Variants in CEBPZ observed in about 807,000 individuals in gnomAD.
CEBPZ encodes CCAAT/enhancer-binding protein zeta.
CEBPZ carries 78 observed loss-of-function variants against 104.5 expected under a neutral mutation model. The observed-to-expected ratio is 0.75, with a 90% CI of 0.62 to 0.90. The LOEUF (loss-of-function observed/expected upper bound fraction) is 0.90, where lower values mean the gene tolerates loss of function less well. Ranked by LOEUF, CEBPZ falls within the 40% of genes least tolerant of loss-of-function variation. The pLI is 0.00. For missense variants in CEBPZ, 1,439 were observed against 1,233.5 expected (o/e 1.17, Z -2.50); for synonymous variants, 470 against 427.0 (o/e 1.10, Z -1.24).
intron 6 of CEBPZ, among the ~76,000 whole-genome samples, chr2:37,216,647 ATAT>A (rs1464857342): frequency 6.6e-6 from 1 of 152,238 alleles, no homozygotes. Context: ...GGATAGACTA[ATAT>A]TAATAATGCA....
intron 13 of CEBPZ, chr2:37,203,499 C>T (rs1407972958): frequency 6.6e-6 from 1 of 152,078 alleles, no homozygotes; most frequent in East Asian, 1.9e-4. Context: ...AATATATAAA[C>T]TTTTCCTGAA....
At chr2:37,218,140 G>A (rs1283147745) in intron 5 of CEBPZ, among the ~76,000 whole-genome samples, 8 of 151,494 alleles carry the variant, frequency 5.3e-5, no homozygotes, top group Non-Finnish European at 7.4e-5. Context: ...GGCGGTGTGC[G>A]CCTGTAGTCT....
intron 6 of CEBPZ, among the ~76,000 whole-genome samples, chr2:37,216,759 A>G (rs1456689906): frequency 2.0e-5 from 3 of 152,204 alleles, no homozygotes; most frequent in African/African-American, 7.2e-5. Context: ...CTAGAAGGTA[A>G]TAAATAAATA....
At chr2:37,215,484 A>G (rs2148353483) in intron 8 of CEBPZ, 1 of 152,262 alleles carries the variant, frequency 6.6e-6, no homozygotes, top group Admixed American at 6.5e-5. Context: ...GAGTAAAAGG[A>G]GATTTGGCTT....
At chr2:37,222,708 ATGGTATTTAAACAAGAGAGGAGAT>A (rs1664801469) in intron 3 of CEBPZ, 145 bp from the exon 4 acceptor site, 1 of 568,798 alleles carries the variant, frequency 1.8e-6, no homozygotes, top group African/African-American at 1.9e-5. Flanking sequence ...ATGGCTATCA[ATGGTATTTAAACAAGAGAGGAGAT>A]TACATCCTTA....
chr2:37,227,147 A>G (rs918388387), intron 2 of CEBPZ, among the ~76,000 whole-genome samples: 4 of 152,346 alleles, frequency 2.6e-5, no homozygotes, highest in Non-Finnish European at 4.4e-5. Context: ...TGTGAAAGAC[A>G]GCAGGGAAAA....
chr2:37,210,900 A>G, intron 13 of CEBPZ, 99 bp downstream of exon 13: 1 of 593,738 alleles, frequency 1.7e-6, no homozygotes, highest in Non-Finnish European at 2.6e-6. Context: ...CCACCCCTGA[A>G]TTTTATTAAT....
chr2:37,211,767 C>T lies in CEBPZ; in HGVS notation c.2800+76G>A, dbSNP rs1572498363. 7 of 1,119,306 alleles carry T rather than the reference C, an allele frequency of 6.3e-6. No individual in the cohort carries two copies. The African/African-American group carries it at 7.9e-5, about 13-fold the overall frequency. The allele number at this position is 1,119,306 out of a possible 1,614,324, so 69.3% of individuals were successfully genotyped here. ...TTGAATACAGGGCTATATTAAAAACCTTTAGCAGAAAAACAAACTTAAGGC... is the reference window on the plus strand; with the variant it reads ...TTGAATACAGGGCTATATTAAAAACTTTTAGCAGAAAAACAAACTTAAGGC... On this transcript the variant is annotated intron_variant, in intron 12 of 15. Coordinates refer to ENST00000234170, the MANE Select transcript of CEBPZ (RefSeq NM_005760.3).
intron 15 of CEBPZ, 145 bp downstream of exon 15, chr2:37,202,639 T>G (rs1446625732): frequency 2.7e-6 from 1 of 364,326 alleles, no homozygotes. Context: ...AGTGAGACGC[T>G]GTCTCAAAAA....
chr2:37,211,957 G>C lies in CEBPZ; in HGVS notation c.2686C>G (p.Leu896Val). The C allele has an allele frequency of 6.2e-7, 1 of 1,613,554 alleles. No individual in the cohort carries two copies. Among genetic ancestry groups the C allele is most frequent in the South Asian group, 1.1e-5 (1 of 91,006 alleles). The change falls in exon 12 of 16, where the codon CTG (leucine) becomes GTG (valine). Residue 896 changes from leucine to valine, a missense_variant. Transcript: ENST00000234170. Reference sequence around the variant, plus strand: ...CCTAAAGAAACTTCATCGTCATCCAGGTTACCAAGTTCATCATCACTACCT... The same window carrying C: ...CCTAAAGAAACTTCATCGTCATCCACGTTACCAAGTTCATCATCACTACCT... ...SEGSDDELGN[L>V]DDDEVSLGSM...
At chr2:37,231,292 C>G (rs1430700510) in intron 1 of CEBPZ, 120 bp downstream of exon 1, 2 of 1,356,654 alleles carry the variant, frequency 1.5e-6, no homozygotes, top group African/African-American at 2.9e-5. Flanking sequence ...GCTTCAGAGG[C>G]TGGGATCTCG....
rs1380545362 is a variant in CEBPZ at position 37,212,279 on chromosome 2, G to T, written c.2603+56C>A. On this transcript the variant is annotated intron_variant, in intron 11 of 15. Transcript: ENST00000234170. ...AGTTCTGTGGTCTACTGTTCTGAGG[G>T]ACAACAATTTGGGAAATGCTAGAAA... 6 of 1,484,516 alleles carry T rather than the reference G, an allele frequency of 4.0e-6. No individual in the cohort carries two copies. In the African/African-American group the frequency reaches 8.3e-5, roughly 21 times the overall value. The allele number at this position is 1,484,516 out of a possible 1,614,324, so 92.0% of individuals were successfully genotyped here.
chr2:37,220,447 G>C lies in CEBPZ; in HGVS notation c.2092C>G (p.Pro698Ala). The C allele has an allele frequency of 6.3e-7, 1 of 1,596,954 alleles. No individual in the cohort carries two copies. The highest frequency in any genetic ancestry group is 8.6e-7 in the Non-Finnish European group (1 of 1,169,052). The change falls in exon 5 of 16, where the codon CCA becomes GCA. Residue 698 changes from proline (P) to alanine (A), a missense_variant. Transcript: ENST00000234170. ...CAGAACAGAGGGTTTCTACTGAATG[G>C]ATCGTATTTATTTAACTGTTTCCCA... ...KGGKQLNKYD[P>A]FSRNPLFCGA...
chr2:37,228,657 G>A lies in CEBPZ; in HGVS notation c.536C>T (p.Pro179Leu). Residue 179 changes from proline (P) to leucine (L), a missense_variant, in exon 2 of 16, where the codon CCT becomes CTT. Pro to Leu is a moderately conservative substitution (Grantham distance 98). Transcript: ENST00000234170. The part of the protein sequence containing the change: ...FFERQTLLLR[P>L]GGKWYDLEYS... ...CTCCAGATCATACCATTTGCCTCCA[G>A]GCCTAAGTAACAAAGTCTGTCTCTC... is the stretch of plus-strand genomic sequence containing the variant. The A allele has an allele frequency of 6.2e-7, 1 of 1,614,110 alleles. No individual in the cohort carries two copies. Among genetic ancestry groups the A allele is most frequent in the Non-Finnish European group, 8.5e-7 (1 of 1,180,026 alleles).
chr2:37,227,741 G>A lies in CEBPZ; in HGVS notation c.1452C>T (p.Ser484=), dbSNP rs754730663. 5.0e-6 allele frequency: 8 copies of A among 1,613,918 alleles called. No homozygotes were observed. Among genetic ancestry groups the A allele is most frequent in the Admixed American group, 3.3e-5 (2 of 59,976 alleles). ...KKKDVESKML[S]ALLTGVNRAY... is the part of the protein sequence containing the mutation. The stretch of plus-strand genomic sequence containing the variant: ...CCCTATTCACACCTGTTAAAAGGGC[G>A]CTAAGCATTTTTGATTCAACATCTT... The change falls in exon 2 of 16, where the codon AGC becomes AGT. Residue 484 remains serine (S), a synonymous_variant. Transcript: ENST00000234170.
chr2:37,205,292 C>G (rs547984536), intron 13 of CEBPZ, among the ~76,000 whole-genome samples: 3 of 152,140 alleles, frequency 2.0e-5, no homozygotes, highest in East Asian at 3.8e-4. Flanking sequence ...TCCAGATGGT[C>G]GGTTCCTGCC....
rs770167158 is a variant in CEBPZ at position 37,228,770 on chromosome 2, A to T, written c.423T>A (p.Asn141Lys). ...CAGAATGTGGTTCTGGCCTATTCTTATTTTTCACCTTATTAACTGATGTCC... is the reference window on the plus strand; with the variant it reads ...CAGAATGTGGTTCTGGCCTATTCTTTTTTTTCACCTTATTAACTGATGTCC... ...SQRTSVNKVK[N>K]KNRPEPHSDE... Residue 141 changes from asparagine to lysine, a missense_variant, in exon 2 of 16, where the codon AAT becomes AAA. Transcript: ENST00000234170. 1 of 1,613,652 alleles carries T rather than the reference A, an allele frequency of 6.2e-7. No homozygotes were observed. The highest frequency in any genetic ancestry group is 1.1e-5 in the South Asian group (1 of 90,934).
rs1303358615 is a variant in CEBPZ, at chr2:37,220,466, T to C, written c.2073A>G (p.Lys691=). The part of the protein sequence containing the change: ...WVHFDNLKGG[K]QLNKYDPFSR... ...TGAATGGATCGTATTTATTTAACTG[T>C]TTCCCACCTAGGAATAACAAAAAAA... The change falls in exon 5 of 16, where the codon AAA becomes AAG. Residue 691 remains lysine (K), a synonymous_variant. Transcript: ENST00000234170. 1 of 1,580,690 alleles carries C rather than the reference T, an allele frequency of 6.3e-7. No individual in the cohort carries two copies. Among genetic ancestry groups the C allele is most frequent in the African/African-American group, 1.4e-5 (1 of 73,718 alleles).
intron 13 of CEBPZ, among the ~76,000 whole-genome samples, chr2:37,207,687 T>C (rs1190605548): frequency 3.3e-5 from 5 of 152,118 alleles, no homozygotes; most frequent in South Asian, 2.1e-4. Flanking sequence ...ATTAAATGTC[T>C]ACATCAAAAA....
Sources: gnomAD v4.1 joint callset for allele counts (sites outside exome capture counted in the v4.1 genomes callset) on GRCh38, gnomAD v4.1.1 for gene constraint, MANE v1.5 for transcripts, NCBI Gene and HGNC (gene_info 2026-07-23, HGNC 2026-07-21) for gene names.